ARFGEF1: variants seen among roughly 807,000 people sequenced by gnomAD.
The protein encoded by ARFGEF1 is ARF guanine nucleotide exchange factor 1.
Under a neutral mutation model 231.0 loss-of-function variants are expected in ARFGEF1, and 42 were observed. The ratio of observed to expected loss-of-function variants is 0.18; its 90% CI spans 0.14 to 0.24. ARFGEF1 has a LOEUF of 0.24. Ranked by LOEUF, ARFGEF1 falls within the 10% of genes least tolerant of loss-of-function variation. ARFGEF1 has a pLI of 1.00. For synonymous variants in ARFGEF1, 710 were observed against 732.3 expected (o/e 0.97, Z 0.49); for missense variants, 1,345 against 2,192.0 (o/e 0.61, Z 7.72).
chr8:67,290,408 T>G (rs147537035), intron 6 of ARFGEF1, among the ~76,000 whole-genome samples: 6 of 152,310 alleles, frequency 3.9e-5, no homozygotes, highest in Non-Finnish European at 7.4e-5. Context: ...TCTATCAAGA[T>G]TCAACTAAAA....
chr8:67,228,868 A>G (rs188170025), intron 23 of ARFGEF1, among the ~76,000 whole-genome samples: 39 of 152,082 alleles, frequency 2.6e-4, no homozygotes, highest in Middle Eastern at 3.2e-3. Flanking sequence ...AAAGTTTCAT[A>G]AAAAATTTCA....
intron 29 of ARFGEF1, among the ~76,000 whole-genome samples, chr8:67,222,208 C>CACATATATATATATAT (rs1839206902): frequency 3.0e-5 from 4 of 132,664 alleles, no homozygotes; most frequent in African/African-American, 1.2e-4. Flanking sequence ...TATATATACA[C>CACATATATATATATAT]ACACATATAT....
chr8:67,197,161 T>C (rs1024526552), downstream of ARFGEF1, among the ~76,000 whole-genome samples: 1 of 152,200 alleles, frequency 6.6e-6, no homozygotes, highest in African/African-American at 2.4e-5. Flanking sequence ...TAAAAGATTT[T>C]TGGGCTGGAT....
chr8:67,238,985 G>T, intron 20 of ARFGEF1, 92 bp from the exon 21 acceptor site: 18 of 883,238 alleles, frequency 2.0e-5, no homozygotes, highest in East Asian at 6.2e-5. Context: ...TGTTCAGTAA[G>T]ATTTTGTTTT....
chr8:67,176,623 G>T (rs1831711584), intron 5 of ARFGEF1, among the ~76,000 whole-genome samples: 2 of 152,116 alleles, frequency 1.3e-5, no homozygotes, highest in Admixed American at 6.5e-5. Context: ...TCAAAATGAA[G>T]ATCTGATCTT....
chr8:67,216,622 G>A lies in ARFGEF1; in HGVS notation c.4654C>T (p.Pro1552Ser), dbSNP rs772716482. The A allele has an allele frequency of 9.7e-5, 156 of 1,606,508 alleles. No individual in the cohort carries two copies. The South Asian group carries it at 1.7e-3, about 18-fold the overall frequency. Residue 1552 changes from proline (P) to serine (S), a missense_variant, in exon 33 of 39, where the codon CCA (proline) becomes TCA (serine). Coordinates refer to ENST00000262215, the MANE Select transcript of ARFGEF1 (RefSeq NM_006421.5). ...WRPNSGETAP[P>S]PPSPVSEKPL... ...TTTTCACTTACAGGAGATGGAGGTGGGGGGGCAGTTTCTCCAGAATTGGGT... is the reference window on the plus strand; with the variant it reads ...TTTTCACTTACAGGAGATGGAGGTGAGGGGGCAGTTTCTCCAGAATTGGGT...
chr8:67,203,296 A>C, intron 35 of ARFGEF1, 45 bp from the exon 36 acceptor site: 2 of 1,585,850 alleles, frequency 1.3e-6, no homozygotes, highest in Non-Finnish European at 1.7e-6. Context: ...AGTCACAATA[A>C]TTTTACTTGA....
intron 5 of ARFGEF1, among the ~76,000 whole-genome samples, chr8:67,191,108 G>C (rs909701844): frequency 6.6e-6 from 1 of 152,118 alleles, no homozygotes; most frequent in African/African-American, 2.4e-5. Flanking sequence ...CTGTGATATA[G>C]GCATCACCTT....
At position 67,343,581 on chromosome 8, in the gene ARFGEF1, C is replaced by A; in HGVS notation, c.-294G>T. On this transcript the variant is annotated 5_prime_UTR_variant, in exon 1 of 39. Coordinates refer to ENST00000262215, the MANE Select transcript of ARFGEF1 (RefSeq NM_006421.5). ...TCGCGTCCCGGCCGCCCCTCTCACT[C>A]GTCCCTCCGGCCCTGGTGGCGGTGA... 1 of 1,094,218 alleles carries A rather than the reference C, an allele frequency of 9.1e-7. No homozygotes were observed. Among genetic ancestry groups the A allele is most frequent in the Non-Finnish European group, 1.1e-6 (1 of 899,382 alleles). The allele number at this position is 1,094,218 out of a possible 1,614,324, so 67.8% of individuals were successfully genotyped here. A position where few individuals can be genotyped will look rare whatever the true frequency, so the allele number is the denominator to read the frequency against.
intron 5 of ARFGEF1, among the ~76,000 whole-genome samples, chr8:67,293,425 A>T (rs1056047736): frequency 3.9e-5 from 6 of 152,190 alleles, no homozygotes; most frequent in Non-Finnish European, 7.4e-5. Context: ...CTTTGTTATT[A>T]AAAAGTGACA....
intron 5 of ARFGEF1, among the ~76,000 whole-genome samples, chr8:67,188,362 C>T (rs1586894497): frequency 1.3e-5 from 2 of 152,158 alleles, no homozygotes; most frequent in East Asian, 1.9e-4. Flanking sequence ...CCTTTAAACA[C>T]AGGGCTTGTA....
At chr8:67,192,676 A>G (rs1422909499), downstream of ARFGEF1, among the ~76,000 whole-genome samples, 1 of 152,082 alleles carries the variant, frequency 6.6e-6, no homozygotes, top group Non-Finnish European at 1.5e-5. Context: ...GATACACTTT[A>G]ATTTTTGCAC....
Position 67,266,879 on chromosome 8 carries a change from G to A in ARFGEF1, c.1918C>T (p.Leu640Phe), listed in dbSNP as rs754252311. Reference protein sequence around the residue: ...QYVNPNSQTTLGQEKPSEQEM... With the variant: ...QYVNPNSQTTFGQEKPSEQEM... Reference sequence around the variant, plus strand: ...ACAGCTCAAAATATCACCTTACCAAGAGTTGTCTGGGAGTTGGGATTCACA... The same window carrying A: ...ACAGCTCAAAATATCACCTTACCAAAAGTTGTCTGGGAGTTGGGATTCACA... Residue 640 changes from leucine to phenylalanine, a missense_variant, in exon 13 of 39, where the codon CTT (leucine) becomes TTT (phenylalanine). Physicochemically the swap from Leu to Phe is conservative, Grantham distance 22 (BLOSUM62 0). Coordinates refer to ENST00000262215, the MANE Select transcript of ARFGEF1 (RefSeq NM_006421.5). 1.4e-5 allele frequency: 22 copies of A among 1,610,250 alleles called. No homozygotes were observed. Among genetic ancestry groups the A allele is most frequent in the South Asian group, 1.1e-4 (10 of 90,800 alleles).
At chr8:67,322,357 C>A (rs1415819035) in intron 1 of ARFGEF1, among the ~76,000 whole-genome samples, 1 of 152,192 alleles carries the variant, frequency 6.6e-6, no homozygotes, top group Non-Finnish European at 1.5e-5. Flanking sequence ...AATACTTTTT[C>A]CACCCATCTT....
chr8:67,231,841 G>C (rs1839563455), intron 23 of ARFGEF1, among the ~76,000 whole-genome samples: 1 of 151,962 alleles, frequency 6.6e-6, no homozygotes, highest in Non-Finnish European at 1.5e-5. Flanking sequence ...CTACTGAAAG[G>C]ATTAAATGTA....
At chr8:67,196,734 AG>A (rs1168645645), downstream of ARFGEF1, among the ~76,000 whole-genome samples, 1 of 152,180 alleles carries the variant, frequency 6.6e-6, no homozygotes, top group Admixed American at 6.5e-5. Context: ...TGACTCTTCT[AG>A]GGGAAGAGTC....
At chr8:67,242,188 G>A (rs1218643395) in intron 19 of ARFGEF1, among the ~76,000 whole-genome samples, 1 of 152,218 alleles carries the variant, frequency 6.6e-6, no homozygotes, top group East Asian at 1.9e-4. Context: ...GCTGGGCTTG[G>A]AGGCAGTGGA....
At chr8:67,223,407 G>A (rs1425053923) in intron 29 of ARFGEF1, among the ~76,000 whole-genome samples, 1 of 152,006 alleles carries the variant, frequency 6.6e-6, no homozygotes, top group Non-Finnish European at 1.5e-5. Flanking sequence ...TCACTATGTT[G>A]CCTAGGTTGG....
chr8:67,323,376 C>T (rs1807684257), intron 1 of ARFGEF1, among the ~76,000 whole-genome samples: 1 of 152,160 alleles, frequency 6.6e-6, no homozygotes, highest in Non-Finnish European at 1.5e-5. Context: ...AAACCTTAAA[C>T]TTAACCTGAT....
Sources: allele counts gnomAD v4.1 joint callset (sites outside exome capture counted in the v4.1 genomes callset), GRCh38; gene constraint gnomAD v4.1.1; transcripts MANE v1.5; gene names NCBI Gene and HGNC (gene_info 2026-07-23, HGNC 2026-07-21).